Variants in MIR2052HG observed in about 807,000 individuals in gnomAD.
MIR2052HG encodes MIR2052 host gene.
chr8:74,641,549 A>G (rs1808639092), intron 2 of MIR2052HG, among the ~76,000 whole-genome samples: 1 of 152,062 alleles, frequency 6.6e-6, no homozygotes, highest in African/African-American at 2.4e-5. Flanking sequence ...CTTTTTGAAT[A>G]TTACCTGTAT....
At chr8:74,713,263 T>C (rs1809487780) in intron 4 of MIR2052HG, among the ~76,000 whole-genome samples, 1 of 152,196 alleles carries the variant, frequency 6.6e-6, no homozygotes, top group Non-Finnish European at 1.5e-5. Context: ...GTTCACTCTC[T>C]CAATCTTCAG....
intron 4 of MIR2052HG, among the ~76,000 whole-genome samples, chr8:74,728,215 G>C (rs534212589): frequency 2.6e-5 from 4 of 152,326 alleles, no homozygotes; most frequent in African/African-American, 9.6e-5. Context: ...AAACATTTGA[G>C]AGTGAATTGA....
At chr8:74,623,234 CATT>C (rs1353248309) in intron 2 of MIR2052HG, among the ~76,000 whole-genome samples, 5 of 152,204 alleles carry the variant, frequency 3.3e-5, no homozygotes, top group Non-Finnish European at 2.9e-5. Context: ...TACATTAAAA[CATT>C]ATGCTGTACC....
chr8:74,708,077 G>C (rs1809429240), intron 4 of MIR2052HG, among the ~76,000 whole-genome samples: 1 of 152,070 alleles, frequency 6.6e-6, no homozygotes, highest in Non-Finnish European at 1.5e-5. Flanking sequence ...CTTCAATAGA[G>C]AGTCTTCGGC....
rs531592424 is a variant in MIR2052HG, at chr8:74,694,400, C to A, written n.217-7979C>A. ...AATCTTCCCTCTCACATAGGTCTAC[C>A]CAAGTGAGAAGGAACCAGAAAAACA... On this transcript the variant is annotated intron_variant and non_coding_transcript_variant, in intron 2 of 6. Transcript: ENST00000523442. Among the ~76,000 whole-genome samples the A allele has an allele frequency of 4.6e-5, 7 of 152,212 alleles. No homozygotes were observed. In the East Asian group the frequency reaches 1.2e-3, roughly 25 times the overall value.
At chr8:74,623,758 T>C (rs1808399053) in intron 2 of MIR2052HG, among the ~76,000 whole-genome samples, 1 of 152,208 alleles carries the variant, frequency 6.6e-6, no homozygotes, top group Admixed American at 6.5e-5. Context: ...GGTCTGTGAT[T>C]CATTTCTTCT....
chr8:74,672,225 A>C (rs1226429665), intron 2 of MIR2052HG, among the ~76,000 whole-genome samples: 2 of 152,084 alleles, frequency 1.3e-5, no homozygotes, highest in African/African-American at 4.8e-5. Context: ...GCTGTTACCT[A>C]ACTTGAGAGT....
At chr8:74,681,119 C>T (rs1243504781) in intron 2 of MIR2052HG, among the ~76,000 whole-genome samples, 5 of 149,800 alleles carry the variant, frequency 3.3e-5, no homozygotes, top group Non-Finnish European at 7.4e-5. Context: ...TACTAGATGA[C>T]GAGTTAGTGG....
At chr8:74,675,717 C>A (rs555263703) in intron 2 of MIR2052HG, among the ~76,000 whole-genome samples, 6 of 151,910 alleles carry the variant, frequency 3.9e-5, no homozygotes, top group Admixed American at 1.3e-4. Flanking sequence ...ATATAAAATA[C>A]CATAGAAAAC....
rs965229021 is a variant in MIR2052HG, at chr8:74,610,817, G to T, written n.129-2036G>T. Among the ~76,000 whole-genome samples, 20 of 151,948 alleles carry T rather than the reference G, an allele frequency of 1.3e-4. 1 individual carries two copies. The highest frequency in any genetic ancestry group is 4.3e-4 in the African/African-American group (18 of 41,512). ...AACAATTGAATAACAACACCCCACT[G>T]CCTACCTTACATCATATACAAAAAT... On this transcript the variant is annotated intron_variant and non_coding_transcript_variant, in intron 1 of 6. Transcript: ENST00000523442.
At chr8:74,742,247 T>C (rs1809838611) in intron 4 of MIR2052HG, among the ~76,000 whole-genome samples, 1 of 152,174 alleles carries the variant, frequency 6.6e-6, no homozygotes. Flanking sequence ...TGGTAACTAT[T>C]CCTTTGTCAA....
intron 2 of MIR2052HG, among the ~76,000 whole-genome samples, chr8:74,688,530 G>C (rs920945669): frequency 7.9e-5 from 12 of 152,192 alleles, no homozygotes; most frequent in Non-Finnish European, 1.2e-4. Context: ...TTATTGCAGT[G>C]ATTTATGGTC....
chr8:74,724,139 A>G lies in MIR2052HG; in HGVS notation n.371+20457A>G, dbSNP rs183154709. ...ATGGCCTCGTTTCATTTCAAAAGTT[A>G]TTATCAACCTCAAAATTGTCTAATA... On this transcript the variant is annotated intron_variant and non_coding_transcript_variant, in intron 4 of 6. Transcript: ENST00000523442. Among the ~76,000 whole-genome samples, 287 of 152,290 alleles carry G rather than the reference A, an allele frequency of 1.9e-3. 8 individuals are homozygous for G. The highest frequency in any genetic ancestry group is 0.018 in the Admixed American group (273 of 15,308).
At chr8:74,736,565 G>A (rs1339354657) in intron 4 of MIR2052HG, among the ~76,000 whole-genome samples, 2 of 152,166 alleles carry the variant, frequency 1.3e-5, no homozygotes, top group African/African-American at 4.8e-5. Flanking sequence ...AAGGCCGTGG[G>A]AATTGTGAAA....
intron 1 of MIR2052HG, chr8:74,599,910 T>C: frequency 6.0e-6 from 1 of 166,236 alleles, no homozygotes; most frequent in Non-Finnish European, 1.3e-5. Context: ...CCGAGCCAGG[T>C]GCGTGATATA....
chr8:74,657,814 A>G lies in MIR2052HG; in HGVS notation n.217-44565A>G, dbSNP rs760254931. 3.3e-5 allele frequency among the ~76,000 whole-genome samples: 5 copies of G among 152,208 alleles called. No individual in the cohort carries two copies. In the South Asian group the frequency reaches 8.3e-4, roughly 25 times the overall value. ...TACTTCCCACCGGGACTCTCCCACA[A>G]CATGTAGGAATTGTGGGAGTTACAA... On this transcript the variant is annotated intron_variant and non_coding_transcript_variant, in intron 2 of 6. Transcript: ENST00000523442.
At position 74,707,153 on chromosome 8, in the gene MIR2052HG, A is replaced by T. The variant is rs569054615; in HGVS notation, n.371+3471A>T. On this transcript the variant is annotated intron_variant and non_coding_transcript_variant, in intron 4 of 6. Coordinates refer to ENST00000523442, the Ensembl canonical transcript of MIR2052HG. ...TGAGTTAAAATTCCCTCCCATGTAG[A>T]TATCTGTCGTCACCTGAAAGCTCTT... Among the ~76,000 whole-genome samples the T allele has an allele frequency of 3.3e-5, 5 of 152,212 alleles. No homozygotes were observed. The South Asian group carries it at 8.3e-4, about 25-fold the overall frequency.
rs995134618 is a variant in MIR2052HG, at chr8:74,699,309, G to A, written n.217-3070G>A. Among the ~76,000 whole-genome samples, 8 of 151,996 alleles carry A rather than the reference G, an allele frequency of 5.3e-5. No individual in the cohort carries two copies. The South Asian group carries it at 6.2e-4, about 12-fold the overall frequency. On this transcript the variant is annotated intron_variant and non_coding_transcript_variant, in intron 2 of 6. Transcript: ENST00000523442. Reference sequence around the variant, plus strand: ...TCATACGAAAAAGATACTTGCACACGCATGTTTATAGCAGCACAATTTGCA... The same window carrying A: ...TCATACGAAAAAGATACTTGCACACACATGTTTATAGCAGCACAATTTGCA...
At chr8:74,674,283 T>C (rs955272437) in intron 2 of MIR2052HG, among the ~76,000 whole-genome samples, 1 of 151,712 alleles carries the variant, frequency 6.6e-6, no homozygotes, top group African/African-American at 2.4e-5. Flanking sequence ...ATGGTGTCAG[T>C]GGTAGAACAA....
Sources: allele counts gnomAD v4.1 joint callset (sites outside exome capture counted in the v4.1 genomes callset), GRCh38; gene constraint gnomAD v4.1.1; transcripts MANE v1.5; gene names NCBI Gene and HGNC (gene_info 2026-07-23, HGNC 2026-07-21).